The following MTMR9 variants were observed in gnomAD, a reference collection of about 807,000 sequenced individuals.
MTMR9 encodes the protein myotubularin-related protein 9.
In MTMR9, 39 loss-of-function variants were observed where a neutral mutation model predicts 69.5. The observed-to-expected ratio is 0.56, with a 90% confidence interval of 0.43 to 0.73. MTMR9 has a LOEUF of 0.73. Ranked by LOEUF, MTMR9 falls within the 30% of genes least tolerant of loss-of-function variation. The pLI, the probability that MTMR9 is intolerant of heterozygous loss-of-function variation, is 0.00. For missense variants in MTMR9, 900 were observed against 671.2 expected (o/e 1.34, Z -3.77); for synonymous variants, 354 against 240.8 (o/e 1.47, Z -4.35).
chr8:11,333,782 CAG>C, the MTMR9 span, among the ~76,000 whole-genome samples: 1 of 152,188 alleles, frequency 6.6e-6, no homozygotes, highest in Non-Finnish European at 1.5e-5. Context: ...GGATGGTAGA[CAG>C]TAACTCAAAC....
At chr8:11,307,885 T>C (rs1236395088) in intron 5 of MTMR9, among the ~76,000 whole-genome samples, 2 of 152,190 alleles carry the variant, frequency 1.3e-5, no homozygotes, top group Non-Finnish European at 2.9e-5. Flanking sequence ...TTGCCCATTC[T>C]TTAATCAGGT....
chr8:11,305,256 C>T (rs926406165), intron 4 of MTMR9, among the ~76,000 whole-genome samples: 3 of 152,142 alleles, frequency 2.0e-5, no homozygotes, highest in African/African-American at 2.4e-5. Flanking sequence ...AGCTTTATCT[C>T]CAGGACACTA....
At chr8:11,311,321 A>G (rs1012711614) in intron 6 of MTMR9, among the ~76,000 whole-genome samples, 2 of 152,218 alleles carry the variant, frequency 1.3e-5, no homozygotes, top group African/African-American at 4.8e-5. Flanking sequence ...AAAAATTGGC[A>G]TAACCTAAAT....
chr8:11,311,845 C>G (rs1800212063), intron 6 of MTMR9, among the ~76,000 whole-genome samples: 1 of 151,542 alleles, frequency 6.6e-6, no homozygotes, highest in South Asian at 2.1e-4. Context: ...AACACTGCCA[C>G]TGCTTTATCA....
At chr8:11,291,687 A>C (rs1340676423) in intron 1 of MTMR9, among the ~76,000 whole-genome samples, 2 of 151,956 alleles carry the variant, frequency 1.3e-5, no homozygotes, top group Non-Finnish European at 2.9e-5. Flanking sequence ...ACTTTATAGC[A>C]ACTACATAAA....
At position 11,319,783 on chromosome 8, in the gene MTMR9, C is replaced by T. The variant is rs138502674; in HGVS notation, c.1431C>T (p.Ala477=). The stretch of plus-strand genomic sequence containing the variant: ...AATTCACCAATCCCCTCTTTGAAGC[C>T]AACAACCTTGTCATCTGGCCTTCAG... ...LSKFTNPLFE[A]NNLVIWPSVA... Residue 477 remains alanine (A), a synonymous_variant, in exon 9 of 10, where the codon GCC becomes GCT. Coordinates refer to ENST00000221086, the MANE Select transcript of MTMR9 (RefSeq NM_015458.4). The T allele has an allele frequency of 2.1e-4, 337 of 1,614,066 alleles. 1 individual carries two copies. Among genetic ancestry groups the T allele is most frequent in the Non-Finnish European group, 2.6e-4 (305 of 1,180,026 alleles).
chr8:11,315,025 T>G lies in MTMR9; in HGVS notation c.1074T>G (p.Ile358Met). 6.2e-7 allele frequency: 1 copy of G among 1,613,796 alleles called. No homozygotes were observed. Among genetic ancestry groups the G allele is most frequent in the Non-Finnish European group, 8.5e-7 (1 of 1,179,804 alleles). ...TCTTAGAGCCAAGAAGCAGGACCAT[T>G]CGTGGTTTTGAGGCCCTGATTGAAA... ...QIILEPRSRTIRGFEALIERE... is the reference protein window; with the variant it reads ...QIILEPRSRTMRGFEALIERE... Residue 358 changes from isoleucine to methionine, a missense_variant, in exon 7 of 10, where the codon ATT becomes ATG. Coordinates refer to ENST00000221086, the MANE Select transcript of MTMR9 (RefSeq NM_015458.4).
At chr8:11,310,472 T>C (rs1471665014) in intron 6 of MTMR9, among the ~76,000 whole-genome samples, 1 of 152,182 alleles carries the variant, frequency 6.6e-6, no homozygotes, top group Non-Finnish European at 1.5e-5. Context: ...ATACCTAATT[T>C]GTTATGGTTA....
chr8:11,312,772 A>G (rs150299704), intron 6 of MTMR9, among the ~76,000 whole-genome samples: 1 of 152,316 alleles, frequency 6.6e-6, no homozygotes, highest in African/African-American at 2.4e-5. Flanking sequence ...TAGGGTAGCT[A>G]TGGCCTTAAA....
chr8:11,319,911 G>C, intron 9 of MTMR9, 73 bp downstream of exon 9: 2 of 1,492,792 alleles, frequency 1.3e-6, no homozygotes, highest in Non-Finnish European at 1.8e-6. Flanking sequence ...GTGTGCTGTT[G>C]GTGATGTATG....
downstream of MTMR9, among the ~76,000 whole-genome samples, chr8:11,329,150 C>G (rs79553267): frequency 2.0e-5 from 3 of 152,200 alleles, no homozygotes; most frequent in African/African-American, 4.8e-5. Context: ...GTGTTAATCA[C>G]TGGAAGGCTG....
chr8:11,335,078 T>A, the MTMR9 span, among the ~76,000 whole-genome samples: 1 of 152,116 alleles, frequency 6.6e-6, no homozygotes, highest in Non-Finnish European at 1.5e-5. Context: ...TTATAACTAA[T>A]GCAATGAGAC....
At position 11,319,716 on chromosome 8, in the gene MTMR9, T is replaced by A; in HGVS notation, c.1364T>A (p.Met455Lys). 1.2e-6 allele frequency: 2 copies of A among 1,614,096 alleles called. No individual in the cohort carries two copies. The highest frequency in any genetic ancestry group is 1.7e-6 in the Non-Finnish European group (2 of 1,180,006). ...AAGTTGAAGCTACAGCAGAAGACGATGTCTTTGTGGTCCTGGGTTAATCAG... is the reference window on the plus strand; with the variant it reads ...AAGTTGAAGCTACAGCAGAAGACGAAGTCTTTGTGGTCCTGGGTTAATCAG... ...RCKLKLQQKT[M>K]SLWSWVNQPS... is the part of the protein sequence containing the mutation. The change falls in exon 9 of 10, where the codon ATG becomes AAG. Residue 455 changes from methionine to lysine, a missense_variant. Physicochemically the swap from Met to Lys is moderately conservative, Grantham distance 95 (BLOSUM62 -1). Transcript: ENST00000221086.
intron 2 of MTMR9, chr8:11,298,030 C>T (rs1799619622): frequency 2.3e-6 from 1 of 431,886 alleles, no homozygotes; most frequent in African/African-American, 2.0e-5. Context: ...CAAATATATT[C>T]TGCTGCCTCA....
chr8:11,337,475 C>G, the MTMR9 span, among the ~76,000 whole-genome samples: 1 of 152,208 alleles, frequency 6.6e-6, no homozygotes, highest in Non-Finnish European at 1.5e-5. Flanking sequence ...CTACCCTCTG[C>G]CTTGCATTTG....
intron 1 of MTMR9, among the ~76,000 whole-genome samples, chr8:11,288,318 A>AAT (rs1173572162): frequency 7.1e-6 from 1 of 140,310 alleles, no homozygotes; most frequent in Non-Finnish European, 1.5e-5. Context: ...ATGTATATAT[A>AAT]ATATATATAC....
chr8:11,322,985 T>TAGGGCCTGTC lies in MTMR9; in HGVS notation c.*199_*208dup. The TAGGGCCTGTC allele has an allele frequency of 2.5e-6, 1 of 402,500 alleles. No homozygotes were observed. The allele number at this position is 402,500 out of a possible 1,614,324, so 24.9% of individuals were successfully genotyped here. ...ATAAACCATGTTTCATGTGGCCTGT[T>TAGGGCCTGTC]AGGGCCTGTCACTTTGGGAGCCGGA... On this transcript the variant is annotated 3_prime_UTR_variant, in exon 10 of 10. Coordinates refer to ENST00000221086, the MANE Select transcript of MTMR9 (RefSeq NM_015458.4).
downstream of MTMR9, chr8:11,331,543 C>G: frequency 6.2e-7 from 1 of 1,613,842 alleles, no homozygotes; most frequent in Non-Finnish European, 8.5e-7. Flanking sequence ...GCTGTCCTCA[C>G]CCTCTGCCTT....
At chr8:11,332,751 G>A (rs1023322650), downstream of MTMR9, among the ~76,000 whole-genome samples, 1 of 152,114 alleles carries the variant, frequency 6.6e-6, no homozygotes, top group Non-Finnish European at 1.5e-5. Flanking sequence ...ACAGGTGCAT[G>A]CCACCACACG....
Sources: gnomAD v4.1 joint callset for allele counts (sites outside exome capture counted in the v4.1 genomes callset) on GRCh38, gnomAD v4.1.1 for gene constraint, MANE v1.5 for transcripts, NCBI Gene and HGNC (gene_info 2026-07-23, HGNC 2026-07-21) for gene names.